Variants in ZNF705G observed in about 807,000 individuals in gnomAD.
ZNF705G encodes the protein zinc finger protein 705G.
Under a neutral mutation model 19.6 loss-of-function variants are expected in ZNF705G, and 23 were observed. That is an observed-to-expected ratio of 1.17 (90% CI 0.84 to 1.66). The LOEUF is 1.66. Among genes scored for constraint, ZNF705G ranks in the 40% most tolerant of loss-of-function variants. ZNF705G has a pLI of 0.00. For synonymous variants in ZNF705G, 146 were observed against 117.7 expected (o/e 1.24, Z -1.56); for missense variants, 457 against 354.4 (o/e 1.29, Z -2.32).
chr8:7,382,086 A>G (rs1563303970), intron 1 of ZNF705G, among the ~76,000 whole-genome samples: 1 of 151,972 alleles, frequency 6.6e-6, no homozygotes, highest in Admixed American at 6.5e-5. Flanking sequence ...AGCTACCTGC[A>G]AATGCCTTTC....
At chr8:7,381,037 A>C (rs796765407) in intron 2 of ZNF705G, among the ~76,000 whole-genome samples, 1 of 136,770 alleles carries the variant, frequency 7.3e-6, no homozygotes, top group African/African-American at 3.4e-5. Flanking sequence ...AAAAAAAAAA[A>C]AAAAAAAAAA....
rs1462338193 is a variant in ZNF705G at position 7,358,462 on chromosome 8, A to G, written c.417T>C (p.Ser139=). 2 of 1,607,702 alleles carry G rather than the reference A, an allele frequency of 1.2e-6. No homozygotes were observed. Among genetic ancestry groups the G allele is most frequent in the Admixed American group, 3.3e-5 (2 of 59,956 alleles). ...STITQCLLTH[S]GKKPYVSKQC... ...GTTTGCTGACATAGGGTTTCTTTCC[A>G]CTATGAGTTAACAAACACTGAGTTA... is the stretch of plus-strand genomic sequence containing the variant. Residue 139 remains serine, a synonymous_variant, in exon 7 of 7, where the codon AGT becomes AGC. Transcript: ENST00000400156.
chr8:7,368,551 T>C (rs1265750358), intron 2 of ZNF705G, among the ~76,000 whole-genome samples: 11 of 149,764 alleles, frequency 7.3e-5, no homozygotes, highest in Admixed American at 1.3e-4. Flanking sequence ...ATAGGGGTCA[T>C]GTAGTACTTG....
At chr8:7,383,190 G>A (rs1489384678) in intron 1 of ZNF705G, among the ~76,000 whole-genome samples, 1 of 135,956 alleles carries the variant, frequency 7.4e-6, no homozygotes, top group South Asian at 2.3e-4. Context: ...CTCTTACCAT[G>A]TCAAACTTCT....
At chr8:7,381,025 C>CAAAAA (rs1563303321) in intron 2 of ZNF705G, among the ~76,000 whole-genome samples, 1 of 32,290 alleles carries the variant, frequency 3.1e-5, no homozygotes, top group Non-Finnish European at 4.7e-5. Context: ...CAAACCACCA[C>CAAAAA]CAAAAAAAAA....
intron 2 of ZNF705G, among the ~76,000 whole-genome samples, chr8:7,379,948 T>C (rs1343668457): frequency 2.1e-5 from 3 of 142,132 alleles, no homozygotes; most frequent in South Asian, 2.2e-4. Flanking sequence ...CTCTGGACCC[T>C]CAGTGACATT....
chr8:7,382,043 G>A (rs1420919060), intron 1 of ZNF705G, among the ~76,000 whole-genome samples: 1 of 152,156 alleles, frequency 6.6e-6, no homozygotes, highest in Non-Finnish European at 1.5e-5. Context: ...GCACACAAGG[G>A]CGTGATACAA....
At chr8:7,363,477 C>G (rs1199333626) in intron 2 of ZNF705G, among the ~76,000 whole-genome samples, 2 of 149,222 alleles carry the variant, frequency 1.3e-5, no homozygotes, top group South Asian at 2.1e-4. Flanking sequence ...TATTTTCACT[C>G]AACTCTGACT....
Position 7,361,110 on chromosome 8 carries a change from C to A in ZNF705G, c.139G>T (p.Gly47Trp). ...LENISHLVSL[G>W]YQISKSYIIL... ...TGTACATGAATGTTCAGGGACTCAC[C>A]GAGGGACACCAGGTGACTGATATTT... Residue 47 changes from glycine (G) to tryptophan (W), a missense_variant and splice_region_variant, in exon 4 of 7, where the codon GGG becomes TGG. Gly to Trp is a radical substitution (Grantham distance 184). Transcript: ENST00000400156. The A allele has an allele frequency of 2.5e-6, 4 of 1,587,204 alleles. No individual in the cohort carries two copies. The highest frequency in any genetic ancestry group is 3.4e-6 in the Non-Finnish European group (4 of 1,175,896).
rs1225569875 is a variant in ZNF705G at position 7,357,463 on chromosome 8, A to G, written c.*513T>C. On this transcript the variant is annotated 3_prime_UTR_variant, in exon 7 of 7. Coordinates refer to ENST00000400156, the MANE Select transcript of ZNF705G (RefSeq NM_001164457.3). ...AAGTAAAGTTTTCTCATGTTATTTG[A>G]CAATAAATTGCAAATAAAAACATTT... is the stretch of plus-strand genomic sequence containing the variant. 5.9e-6 allele frequency: 1 copy of G among 169,858 alleles called. No individual in the cohort carries two copies. Among genetic ancestry groups the G allele is most frequent in the Non-Finnish European group, 1.2e-5 (1 of 80,122 alleles). The allele number at this position is 169,858 out of a possible 1,614,324, so 10.5% of individuals were successfully genotyped here.
intron 3 of ZNF705G, 146 bp downstream of exon 3, chr8:7,362,789 A>T: frequency 1.1e-5 from 17 of 1,556,582 alleles, no homozygotes; most frequent in Non-Finnish European, 1.5e-5. Flanking sequence ...TTGCATTTGG[A>T]ACACCCAGGC....
rs1311385050 is a variant in ZNF705G, at chr8:7,366,686, C to T, written c.-71-3669G>A. ...TTATTTTTAAAAAATAATCTAAGTACTTACCTCAATAAGGTAAATGAATGA... is the reference window on the plus strand; with the variant it reads ...TTATTTTTAAAAAATAATCTAAGTATTTACCTCAATAAGGTAAATGAATGA... On this transcript the variant is annotated intron_variant, in intron 2 of 6. Transcript: ENST00000400156. 1.8e-4 allele frequency among the ~76,000 whole-genome samples: 27 copies of T among 149,632 alleles called. 2 individuals carry two copies. Among genetic ancestry groups the T allele is most frequent in the African/African-American group, 6.9e-4 (27 of 39,024 alleles).
chr8:7,356,633 T>G lies in ZNF705G; in HGVS notation c.*1343A>C, dbSNP rs1585402838. ...TGGAAACAAGTGGTTTTAGTGGACG[T>G]TGAAGTAAAGGGAGGTGAGCTGTGA... On this transcript the variant is annotated 3_prime_UTR_variant, in exon 7 of 7. Coordinates refer to ENST00000400156, the MANE Select transcript of ZNF705G (RefSeq NM_001164457.3). 1.3e-5 allele frequency: 2 copies of G among 149,376 alleles called. No individual in the cohort carries two copies. The allele number at this position is 149,376 out of a possible 1,614,324, so 9.3% of individuals were successfully genotyped here. A position where few individuals can be genotyped will look rare whatever the true frequency, so the allele number is the denominator to read the frequency against.
intron 2 of ZNF705G, among the ~76,000 whole-genome samples, chr8:7,363,639 G>A (rs1460886183): frequency 6.7e-6 from 1 of 149,392 alleles, no homozygotes; most frequent in South Asian, 2.1e-4. Context: ...TGGCCAACAT[G>A]GTGAAACCCC....
intron 3 of ZNF705G, 56 bp from the exon 4 acceptor site, chr8:7,361,292 A>T (rs1236096765): frequency 6.3e-7 from 1 of 1,592,004 alleles, no homozygotes; most frequent in African/African-American, 1.4e-5. Flanking sequence ...AATGTCCGGA[A>T]GAGGAAGGCT....
rs1402014652 is a variant in ZNF705G, at chr8:7,356,821, T to G, written c.*1155A>C. 2.0e-5 allele frequency: 3 copies of G among 149,930 alleles called. No individual in the cohort carries two copies. The highest frequency in any genetic ancestry group is 7.6e-5 in the African/African-American group (3 of 39,282). 9.3% of individuals were successfully genotyped at this position (149,930 alleles called of 1,614,324 possible). On this transcript the variant is annotated 3_prime_UTR_variant, in exon 7 of 7. Coordinates refer to ENST00000400156, the MANE Select transcript of ZNF705G (RefSeq NM_001164457.3). ...TTTTTTCAACAACAGATTGTATTCT[T>G]TCAATATTTGTAAGTATTGATCTTT...
chr8:7,359,261 G>C (rs972647703), intron 6 of ZNF705G, among the ~76,000 whole-genome samples: 1 of 149,602 alleles, frequency 6.7e-6, no homozygotes, highest in Non-Finnish European at 1.5e-5. Context: ...ATTGAGACTT[G>C]TCTTGTCATT....
At chr8:7,383,412 A>T (rs541970064) in intron 1 of ZNF705G, among the ~76,000 whole-genome samples, 1 of 146,518 alleles carries the variant, frequency 6.8e-6, no homozygotes, top group Non-Finnish European at 1.5e-5. Flanking sequence ...CTAAAGTAAC[A>T]GGCACTGTCT....
At chr8:7,364,091 G>A (rs1459547168) in intron 2 of ZNF705G, among the ~76,000 whole-genome samples, 1 of 149,234 alleles carries the variant, frequency 6.7e-6, no homozygotes, top group Non-Finnish European at 1.5e-5. Context: ...TTGCAATCAT[G>A]GTTTATATTA....
Sources: gnomAD v4.1 joint callset for allele counts (sites outside exome capture counted in the v4.1 genomes callset) on GRCh38, gnomAD v4.1.1 for gene constraint, MANE v1.5 for transcripts, NCBI Gene and HGNC (gene_info 2026-07-23, HGNC 2026-07-21) for gene names.